Variants in RABGAP1L observed in about 807,000 individuals in gnomAD.
The protein encoded by RABGAP1L is rab GTPase-activating protein 1-like.
A neutral mutation model predicts 137.7 loss-of-function variants in RABGAP1L; 63 were observed. The observed-to-expected ratio is 0.46, with a 90% CI of 0.37 to 0.56. The LOEUF (loss-of-function observed/expected upper bound fraction) is 0.56. RABGAP1L is among the 20% of genes least tolerant of loss of function. The pLI is 0.00. For missense variants in RABGAP1L, 1,095 were observed against 1,244.0 expected, an observed-to-expected ratio of 0.88 and a Z score of 1.80; for synonymous variants, 431 against 433.7, an observed-to-expected ratio of 0.99 and a Z score of 0.08.
At chr1:174,481,603 T>C (rs1469045154) in intron 13 of RABGAP1L, among the ~76,000 whole-genome samples, 1 of 152,184 alleles carries the variant, frequency 6.6e-6, no homozygotes, top group Non-Finnish European at 1.5e-5. Context: ...CTTGATAGTA[T>C]GATTTTGTAC....
intron 19 of RABGAP1L, among the ~76,000 whole-genome samples, chr1:174,818,782 G>A (rs1203887896): frequency 2.0e-5 from 3 of 152,074 alleles, no homozygotes; most frequent in Non-Finnish European, 4.4e-5. Flanking sequence ...GCTGAGACAG[G>A]TGGATCACTT....
intron 18 of RABGAP1L, among the ~76,000 whole-genome samples, chr1:174,807,816 G>T (rs1689458024): frequency 6.6e-6 from 1 of 151,990 alleles, no homozygotes; most frequent in Non-Finnish European, 1.5e-5. Flanking sequence ...TATCAGTGAG[G>T]CCAGGCACAG....
intron 11 of RABGAP1L, among the ~76,000 whole-genome samples, chr1:174,341,726 A>AC (rs1408061536): frequency 2.0e-5 from 3 of 152,110 alleles, no homozygotes; most frequent in Non-Finnish European, 4.4e-5. Context: ...TTTCATTCTT[A>AC]TCTTTGTTTT....
chr1:174,892,741 T>G, intron 19 of RABGAP1L: 1 of 469,290 alleles, frequency 2.1e-6, no homozygotes, highest in Admixed American at 2.5e-5. Context: ...TCTTTTTTTT[T>G]TTTTTGTGAT....
intron 15 of RABGAP1L, among the ~76,000 whole-genome samples, chr1:174,689,499 C>G (rs576714312): frequency 2.6e-5 from 4 of 152,160 alleles, no homozygotes; most frequent in Admixed American, 2.6e-4. Flanking sequence ...CATCAAGAAT[C>G]TGTATCTCTG....
intron 12 of RABGAP1L, among the ~76,000 whole-genome samples, chr1:174,380,523 G>A (rs1358840379): frequency 2.0e-5 from 3 of 151,912 alleles, no homozygotes; most frequent in Non-Finnish European, 1.5e-5. Flanking sequence ...TTGGGAGAGT[G>A]TATGTGTCAA....
At position 174,241,675 on chromosome 1, in the gene RABGAP1L, T is replaced by C. The variant is rs757381333; in HGVS notation, c.717+18T>C. 6 of 1,575,518 alleles carry C rather than the reference T, an allele frequency of 3.8e-6. No homozygotes were observed. The South Asian group carries it at 6.9e-5, about 18-fold the overall frequency. ...AAGAGGCAGTAAGTATAATATAGTA[T>C]AGCAATTTGCTATAGAGATGAATTA... is the stretch of plus-strand genomic sequence containing the variant. On this transcript the variant is annotated intron_variant, in intron 5 of 25. Transcript: ENST00000681986.
At chr1:174,477,086 G>A (rs1323753456) in intron 13 of RABGAP1L, among the ~76,000 whole-genome samples, 1 of 152,162 alleles carries the variant, frequency 6.6e-6, no homozygotes, top group Non-Finnish European at 1.5e-5. Flanking sequence ...GAGCAGAACT[G>A]GGTGTGCTGA....
rs193260452 is a variant in RABGAP1L at position 174,803,743 on chromosome 1, A to G, written c.2212-8089A>G. ...AGAAGCATCTGGAGCTAATACTCAA[A>G]CAGTGGAAATATTTCCACCCACCCT... On this transcript the variant is annotated intron_variant, in intron 18 of 25. Coordinates refer to ENST00000681986, the MANE Select transcript of RABGAP1L (RefSeq NM_001366446.1). 4.4e-3 allele frequency among the ~76,000 whole-genome samples: 672 copies of G among 152,264 alleles called. 6 individuals are homozygous for G. Among genetic ancestry groups the G allele is most frequent in the Middle Eastern group, 6.8e-3 (2 of 294 alleles).
intron 19 of RABGAP1L, among the ~76,000 whole-genome samples, chr1:174,854,715 C>CTTTTTTT (rs71117584): frequency 1.9e-4 from 11 of 56,854 alleles, no homozygotes; most frequent in Non-Finnish European, 3.1e-4. Context: ...AATATAAATG[C>CTTTTTTT]TTTTTTTTTT....
At chr1:174,167,321 G>C (rs895559368) in intron 1 of RABGAP1L, among the ~76,000 whole-genome samples, 47 of 152,054 alleles carry the variant, frequency 3.1e-4, no homozygotes, top group African/African-American at 1.1e-3. Flanking sequence ...TATAATGATG[G>C]TGCCCTTAAT....
Position 174,578,142 on chromosome 1 carries a change from T to A in RABGAP1L, c.1711-59233T>A, listed in dbSNP as rs915227715. ...TATTTTCATTTGTCCACTATACTTT[T>A]AAAAAAATTAAACTGTAAAAAAATT... On this transcript the variant is annotated intron_variant, in intron 13 of 25. Coordinates refer to ENST00000681986, the MANE Select transcript of RABGAP1L (RefSeq NM_001366446.1). Among the ~76,000 whole-genome samples, 8 of 152,220 alleles carry A rather than the reference T, an allele frequency of 5.3e-5. No individual in the cohort carries two copies. The East Asian group carries it at 7.7e-4, about 15-fold the overall frequency.
intron 11 of RABGAP1L, among the ~76,000 whole-genome samples, chr1:174,346,697 G>T (rs1395912029): frequency 1.3e-5 from 2 of 150,128 alleles, no homozygotes; most frequent in African/African-American, 4.9e-5. Flanking sequence ...TTGTCATTTT[G>T]TTGATCTTTT....
chr1:174,739,802 A>G (rs534568571), intron 17 of RABGAP1L, among the ~76,000 whole-genome samples: 6 of 152,314 alleles, frequency 3.9e-5, no homozygotes, highest in Admixed American at 3.9e-4. Context: ...TATATGCCGG[A>G]TTAATATTTT....
Position 174,701,143 on chromosome 1 carries a change from A to G in RABGAP1L, c.2026-970A>G, listed in dbSNP as rs187587319. 38 of 1,304,718 alleles carry G rather than the reference A, an allele frequency of 2.9e-5. No homozygotes were observed. The East Asian group carries it at 1.9e-3, about 65-fold the overall frequency. 80.8% of individuals were successfully genotyped at this position (1,304,718 alleles called of 1,614,324 possible). On this transcript the variant is annotated intron_variant, in intron 16 of 25. Transcript: ENST00000681986. The stretch of plus-strand genomic sequence containing the variant: ...TGAAGGTGGCCTTTGTCTTTCAGTT[A>G]TGGTAATAGCTATGCTAATACTTTG...
At chr1:174,682,957 C>G (rs1174658814) in intron 14 of RABGAP1L, among the ~76,000 whole-genome samples, 1 of 151,974 alleles carries the variant, frequency 6.6e-6, no homozygotes, top group Non-Finnish European at 1.5e-5. Context: ...CTGGTTTGCC[C>G]CAGTGGTATA....
chr1:174,725,020 T>C (rs1380028729), intron 17 of RABGAP1L, among the ~76,000 whole-genome samples: 1 of 152,188 alleles, frequency 6.6e-6, no homozygotes, highest in African/African-American at 2.4e-5. Flanking sequence ...ACCCAAATTA[T>C]ACCAGAGCTT....
intron 13 of RABGAP1L, among the ~76,000 whole-genome samples, chr1:174,460,682 A>G (rs575038480): frequency 3.3e-5 from 5 of 152,282 alleles, no homozygotes; most frequent in South Asian, 4.1e-4. Context: ...TAATGTATCA[A>G]ACTATGATGA....
chr1:174,667,791 A>G (rs1222968747), intron 14 of RABGAP1L, among the ~76,000 whole-genome samples: 2 of 152,128 alleles, frequency 1.3e-5, no homozygotes, highest in Admixed American at 6.5e-5. Flanking sequence ...TATCTTCTAT[A>G]TATCTCTCAC....
Sources: gnomAD v4.1 joint callset for allele counts (sites outside exome capture counted in the v4.1 genomes callset) on GRCh38, gnomAD v4.1.1 for gene constraint, MANE v1.5 for transcripts, NCBI Gene and HGNC (gene_info 2026-07-23, HGNC 2026-07-21) for gene names.